SKIC2: variants seen among roughly 807,000 people sequenced by gnomAD.
SKIC2 encodes superkiller complex protein 2.
the SKIC2 span, chr6:31,967,127 C>G: frequency 2.5e-6 from 4 of 1,611,020 alleles, no homozygotes; most frequent in East Asian, 8.9e-5. The surrounding 1 kb of genome is among the most constrained non-coding windows in gnomAD (Gnocchi z 4.9). Flanking sequence ...GACAGAGACC[C>G]AGCACATGAT....
At chr6:31,967,210 A>G in the SKIC2 span, 5 of 1,608,846 alleles carry the variant, frequency 3.1e-6, no homozygotes, top group East Asian at 2.2e-5. The surrounding 1 kb of genome is among the most constrained non-coding windows in gnomAD (Gnocchi z 4.9). Flanking sequence ...TCTAGGTGCT[A>G]CTAAACTTAG....
chr6:31,964,160 A>G, the SKIC2 span: 2 of 1,610,520 alleles, frequency 1.2e-6, no homozygotes, highest in East Asian at 2.2e-5. This position sits in a 1 kb window ranked among gnomAD's most constrained non-coding sequence, Gnocchi z 5.0. Context: ...GTGCATGCAC[A>G]CATTTGGCAG....
chr6:31,963,016 T>C, the SKIC2 span: 4 of 1,612,738 alleles, frequency 2.5e-6, no homozygotes, highest in Non-Finnish European at 3.4e-6. This position sits in a 1 kb window ranked among gnomAD's most constrained non-coding sequence, Gnocchi z 5.3. Context: ...GTGCTTATCA[T>C]GCTACCTGAC....
At chr6:31,967,993 A>C in the SKIC2 span, 1 of 1,613,038 alleles carries the variant, frequency 6.2e-7, no homozygotes, top group South Asian at 1.1e-5. The surrounding 1 kb of genome is among the most constrained non-coding windows in gnomAD (Gnocchi z 4.9). Flanking sequence ...TCCAGCCAGG[A>C]GATATGGCTG....
chr6:31,964,329 G>A, the SKIC2 span: 14 of 1,612,290 alleles, frequency 8.7e-6, no homozygotes, highest in Admixed American at 8.3e-5. The surrounding 1 kb of genome is among the most constrained non-coding windows in gnomAD (Gnocchi z 5.0). Flanking sequence ...CTCTTCAGCC[G>A]TGGCCTGGTC....
the SKIC2 span, chr6:31,962,528 G>A: frequency 1.2e-6 from 2 of 1,614,078 alleles, no homozygotes; most frequent in Non-Finnish European, 1.7e-6. The surrounding 1 kb of genome is among the most constrained non-coding windows in gnomAD (Gnocchi z 5.0). Context: ...CTGCTCACCG[G>A]GGATGTACAG....
At chr6:31,960,098 A>G in the SKIC2 span, 2 of 1,612,982 alleles carry the variant, frequency 1.2e-6, no homozygotes, top group African/African-American at 1.3e-5. Flanking sequence ...CTGCCTCTGC[A>G]TGGTGTGGAG....
the SKIC2 span, chr6:31,959,252 A>C: frequency 6.8e-6 from 11 of 1,608,496 alleles, no homozygotes; most frequent in Middle Eastern, 8.3e-4. Flanking sequence ...GGAGTAGCCG[A>C]TATGGAATGA....
chr6:31,962,112 C>A, the SKIC2 span: 3 of 1,574,770 alleles, frequency 1.9e-6, no homozygotes, highest in Non-Finnish European at 2.6e-6. This position sits in a 1 kb window ranked among gnomAD's most constrained non-coding sequence, Gnocchi z 5.0. Flanking sequence ...TCTCCTGCAT[C>A]CTTTGAAAAT....
the SKIC2 span, chr6:31,959,553 T>A: frequency 1.6e-6 from 1 of 636,564 alleles, no homozygotes; most frequent in South Asian, 1.8e-5. Flanking sequence ...CAGCCCAGTG[T>A]ACCTGCAGTA....
the SKIC2 span, chr6:31,967,378 G>A: frequency 6.2e-7 from 1 of 1,607,744 alleles, no homozygotes; most frequent in African/African-American, 1.3e-5. The surrounding 1 kb of genome is among the most constrained non-coding windows in gnomAD (Gnocchi z 4.9). Flanking sequence ...GATCCTACAG[G>A]TGAGGGTGAT....
the SKIC2 span, chr6:31,959,979 C>T: frequency 1.4e-6 from 2 of 1,466,042 alleles, no homozygotes; most frequent in Non-Finnish European, 1.9e-6. Context: ...TCTTTCCTTA[C>T]CTAATGCCTC....
the SKIC2 span, chr6:31,961,689 A>G: frequency 3.1e-6 from 5 of 1,609,482 alleles, no homozygotes; most frequent in African/African-American, 5.3e-5. Context: ...CTTTGGCCCC[A>G]TCTTCACACG....
the SKIC2 span, chr6:31,967,250 C>T: frequency 6.2e-7 from 1 of 1,610,418 alleles, no homozygotes; most frequent in Admixed American, 1.7e-5. This position sits in a 1 kb window ranked among gnomAD's most constrained non-coding sequence, Gnocchi z 4.9. Context: ...GATGCCTCCT[C>T]CCATCTGTCC....
At chr6:31,959,221 G>C in the SKIC2 span, 5 of 1,608,528 alleles carry the variant, frequency 3.1e-6, no homozygotes, top group South Asian at 3.3e-5. Flanking sequence ...CTTGGTGAGG[G>C]GGAGGGGAGG....
At chr6:31,962,979 G>T in the SKIC2 span, 1 of 1,605,030 alleles carries the variant, frequency 6.2e-7, no homozygotes. The surrounding 1 kb of genome is among the most constrained non-coding windows in gnomAD (Gnocchi z 5.0). Context: ...CCCTCTCTGT[G>T]CCCAGCGTGG....
At chr6:31,967,401 T>A in the SKIC2 span, 1 of 1,569,884 alleles carries the variant, frequency 6.4e-7, no homozygotes, top group African/African-American at 1.3e-5. This position sits in a 1 kb window ranked among gnomAD's most constrained non-coding sequence, Gnocchi z 4.9. Context: ...GAATTTGGAC[T>A]CCAGAGGGTG....
the SKIC2 span, chr6:31,959,238 G>C: frequency 7.5e-6 from 12 of 1,608,736 alleles, no homozygotes; most frequent in Non-Finnish European, 1.0e-5. Flanking sequence ...GAGGGAAATG[G>C]AACGGAGTAG....
At chr6:31,960,794 T>C in the SKIC2 span, 1 of 1,314,048 alleles carries the variant, frequency 7.6e-7, no homozygotes, top group Admixed American at 2.2e-5. Context: ...AGGCTATCAC[T>C]GGGCTACTGC....
Sources: allele counts gnomAD v4.1 joint callset, GRCh38; gene constraint gnomAD v4.1.1; non-coding constraint Gnocchi (gnomAD v3.1); transcripts MANE v1.5; gene names NCBI Gene and HGNC (gene_info 2026-07-23, HGNC 2026-07-21).